The following EPN2 variants were observed in gnomAD, a reference collection of about 807,000 sequenced individuals.
EPN2 encodes epsin 2.
In EPN2, 34 loss-of-function variants were observed where a neutral mutation model predicts 61.7. The observed-to-expected ratio is 0.55, with a 90% CI of 0.42 to 0.73. The LOEUF is 0.73. Among genes scored for constraint, EPN2 ranks in the 30% least tolerant of loss-of-function variants. EPN2 has a pLI of 0.00. For missense variants in EPN2, 714 were observed against 839.2 expected (o/e 0.85, Z 1.84); for synonymous variants, 349 against 353.6 (o/e 0.99, Z 0.15).
intron 1 of EPN2, among the ~76,000 whole-genome samples, chr17:19,259,503 G>A (rs1427796930): frequency 6.6e-6 from 1 of 151,876 alleles, no homozygotes; most frequent in Admixed American, 6.6e-5. Context: ...TAGTAGAGAC[G>A]GGGTTTCACC....
In EPN2 at chr17:19,287,023, A is replaced by G. The variant is rs149032570; in HGVS notation, c.766+1233A>G. On this transcript the variant is annotated intron_variant, in intron 4 of 10. Transcript: ENST00000314728. ...ATGTTCTACCCATTTGGTAACTGAC[A>G]AGGTCTGTTTTGAGCCTTGGTGGCC... is the stretch of plus-strand genomic sequence containing the variant. Among the ~76,000 whole-genome samples the G allele has an allele frequency of 9.2e-5, 14 of 152,132 alleles. No individual in the cohort carries two copies. In the East Asian group the frequency reaches 2.7e-3, roughly 29 times the overall value.
intron 1 of EPN2, among the ~76,000 whole-genome samples, chr17:19,239,131 G>A (rs1278595166): frequency 6.6e-6 from 1 of 152,188 alleles, no homozygotes; most frequent in Non-Finnish European, 1.5e-5. Flanking sequence ...TTGGGGAAGC[G>A]CACCTAAACT....
At chr17:19,254,138 A>AAG (rs753593950) in intron 1 of EPN2, among the ~76,000 whole-genome samples, 1 of 149,038 alleles carries the variant, frequency 6.7e-6, no homozygotes, top group South Asian at 2.2e-4. Flanking sequence ...TCTAAAAAGA[A>AAG]AGAGAGAGAG....
Position 19,335,471 on chromosome 17 carries a change from TTG to T in EPN2, c.*1223_*1224del. On this transcript the variant is annotated 3_prime_UTR_variant, in exon 11 of 11. Coordinates refer to ENST00000314728, the MANE Select transcript of EPN2 (RefSeq NM_014964.5). Reference sequence around the variant, plus strand: ...TGAAATGGAAGAAACATCTTTAACCTTGTGTGTCTGTGATCTCCTCTGTCTTA... The same window carrying T: ...TGAAATGGAAGAAACATCTTTAACCTTGTGTCTGTGATCTCCTCTGTCTTA... 6.5e-7 allele frequency: 1 copy of T among 1,549,694 alleles called. No individual in the cohort carries two copies.
rs971471875 is a variant in EPN2 at position 19,313,320 on chromosome 17, A to G, written c.1147+41A>G. On this transcript the variant is annotated intron_variant, in intron 7 of 10. Coordinates refer to ENST00000314728, the MANE Select transcript of EPN2 (RefSeq NM_014964.5). ...CTGGTCTCCCGTGCTTGCCTGCTGG[A>G]TGGGTGAGGGGCAGGGCAGTGCTTC... 1 of 1,489,862 alleles carries G rather than the reference A, an allele frequency of 6.7e-7. No individual in the cohort carries two copies. The highest frequency in any genetic ancestry group is 1.4e-5 in the African/African-American group (1 of 69,622). 92.3% of individuals were successfully genotyped at this position (1,489,862 alleles called of 1,614,324 possible). A position where few individuals can be genotyped will look rare whatever the true frequency, so the allele number is the denominator to read the frequency against.
intron 1 of EPN2, among the ~76,000 whole-genome samples, chr17:19,275,581 A>G (rs1489025145): frequency 6.6e-6 from 1 of 152,204 alleles, no homozygotes; most frequent in African/African-American, 2.4e-5. Context: ...CAGGTGGTCC[A>G]GTCTGGATTC....
At chr17:19,240,049 A>G (rs2044866745) in intron 1 of EPN2, among the ~76,000 whole-genome samples, 1 of 151,670 alleles carries the variant, frequency 6.6e-6, no homozygotes, top group Non-Finnish European at 1.5e-5. Context: ...GTACTATGAG[A>G]TTTTTATGCA....
At chr17:19,319,439 C>G (rs1906546220) in intron 7 of EPN2, among the ~76,000 whole-genome samples, 1 of 151,136 alleles carries the variant, frequency 6.6e-6, no homozygotes, top group South Asian at 2.1e-4. Context: ...ATTCTCCTGA[C>G]TCAGCCTCAG....
intron 1 of EPN2, among the ~76,000 whole-genome samples, chr17:19,280,180 C>G (rs2045346715): frequency 6.6e-6 from 1 of 152,188 alleles, no homozygotes; most frequent in Admixed American, 6.5e-5. Flanking sequence ...GCCCACTTCT[C>G]TGAGAAGCTG....
chr17:19,334,230 C>A lies in EPN2; in HGVS notation c.1902C>A (p.Gly634=). The A allele has an allele frequency of 6.7e-7, 1 of 1,486,886 alleles. No individual in the cohort carries two copies. The highest frequency in any genetic ancestry group is 9.0e-7 in the Non-Finnish European group (1 of 1,107,104). 92.1% of individuals were successfully genotyped at this position (1,486,886 alleles called of 1,614,324 possible). A position where few individuals can be genotyped will look rare whatever the true frequency, so the allele number is the denominator to read the frequency against. The change falls in exon 11 of 11, where the codon GGC becomes GGA. Residue 634 remains glycine, a synonymous_variant. Coordinates refer to ENST00000314728, the MANE Select transcript of EPN2 (RefSeq NM_014964.5). This position sits in a 1 kb window ranked among gnomAD's most constrained non-coding sequence, Gnocchi z 4.9. ...CCCCATCAGCAGCCCAGGCCACTGGCACAACCAACCCTTTCCTTCTCTAGT... is the reference window on the plus strand; with the variant it reads ...CCCCATCAGCAGCCCAGGCCACTGGAACAACCAACCCTTTCCTTCTCTAGT... ...GIPPSAAQAT[G]TTNPFLL is the part of the protein sequence containing the mutation.
chr17:19,268,681 T>C (rs2045224784), intron 1 of EPN2, among the ~76,000 whole-genome samples: 1 of 152,182 alleles, frequency 6.6e-6, no homozygotes, highest in Non-Finnish European at 1.5e-5. Flanking sequence ...CATGCATGGC[T>C]ATAGAAGCAC....
chr17:19,292,554 T>C (rs2045475765), intron 4 of EPN2, among the ~76,000 whole-genome samples: 1 of 152,168 alleles, frequency 6.6e-6, no homozygotes, highest in Non-Finnish European at 1.5e-5. Context: ...AGGTGGAAAA[T>C]TGAGTCATGG....
At chr17:19,293,905 T>C (rs2045489599) in intron 4 of EPN2, among the ~76,000 whole-genome samples, 1 of 150,524 alleles carries the variant, frequency 6.6e-6, no homozygotes, top group South Asian at 2.1e-4. Flanking sequence ...CTGACCAACA[T>C]GGTGAAACCC....
chr17:19,326,940 C>T (rs937080553), intron 7 of EPN2, among the ~76,000 whole-genome samples: 6 of 152,112 alleles, frequency 3.9e-5, no homozygotes, highest in Non-Finnish European at 7.4e-5. Context: ...AAAAGATGCA[C>T]AGCCTCATTA....
At chr17:19,265,501 C>T (rs1051441762) in intron 1 of EPN2, among the ~76,000 whole-genome samples, 6 of 152,314 alleles carry the variant, frequency 3.9e-5, no homozygotes, top group South Asian at 4.1e-4. Context: ...CTGCATGGGG[C>T]AGAAAGGCAT....
intron 5 of EPN2, among the ~76,000 whole-genome samples, chr17:19,310,450 A>G (rs1906067823): frequency 6.6e-6 from 1 of 152,150 alleles, no homozygotes; most frequent in Non-Finnish European, 1.5e-5. Flanking sequence ...CTGGGAAAAA[A>G]TGCTCCCGAA....
chr17:19,243,263 A>G (rs1349431619), intron 1 of EPN2, among the ~76,000 whole-genome samples: 1 of 136,464 alleles, frequency 7.3e-6, no homozygotes, highest in Non-Finnish European at 1.5e-5. Flanking sequence ...TCTGTTGCCC[A>G]GGCTGGAGTG....
intron 4 of EPN2, among the ~76,000 whole-genome samples, chr17:19,293,509 T>G (rs1189792025): frequency 2.7e-5 from 4 of 146,064 alleles, no homozygotes; most frequent in African/African-American, 1.0e-4. Flanking sequence ...TTGCTGAGAC[T>G]ACAGGTGCAT....
intron 4 of EPN2, among the ~76,000 whole-genome samples, chr17:19,288,842 A>T (rs888246675): frequency 6.6e-6 from 1 of 152,126 alleles, no homozygotes; most frequent in Non-Finnish European, 1.5e-5. Flanking sequence ...CAGACCATGC[A>T]CTCAGTGGCC....
Sources: gnomAD v4.1 joint callset for allele counts (sites outside exome capture counted in the v4.1 genomes callset) on GRCh38, gnomAD v4.1.1 for gene constraint, Gnocchi (gnomAD v3.1) non-coding constraint, MANE v1.5 for transcripts, NCBI Gene and HGNC (gene_info 2026-07-23, HGNC 2026-07-21) for gene names.